The following BMPR1B variants were observed in gnomAD, a reference collection of about 807,000 sequenced individuals.
BMPR1B encodes the protein bone morphogenetic protein receptor type-1B.
BMPR1B carries 12 observed loss-of-function variants against 59.1 expected under a neutral mutation model. The observed-to-expected ratio is 0.20, with a 90% CI of 0.13 to 0.33. The LOEUF (loss-of-function observed/expected upper bound fraction) is 0.33, where lower values mean the gene tolerates loss of function less well. Ranked by LOEUF, BMPR1B falls within the 10% of genes least tolerant of loss-of-function variation. The probability of loss-of-function intolerance (pLI) is 1.00; values close to 1 mark genes in which losing one functional copy is unlikely to be tolerated. For synonymous variants in BMPR1B, 237 were observed against 207.3 expected (o/e 1.14, Z -1.23); for missense variants, 550 against 610.9 (o/e 0.90, Z 1.05).
At chr4:94,843,718 T>G (rs899397978) in intron 1 of BMPR1B, among the ~76,000 whole-genome samples, 4 of 150,566 alleles carry the variant, frequency 2.7e-5, no homozygotes, top group African/African-American at 9.8e-5. Context: ...TCAAAAGAGG[T>G]GTGGTAAATG....
At chr4:95,045,802 T>C (rs186609630) in intron 3 of BMPR1B, among the ~76,000 whole-genome samples, 52 of 152,332 alleles carry the variant, frequency 3.4e-4, no homozygotes, top group Admixed American at 3.9e-4. Context: ...AGGCAAGTGC[T>C]GTCTCTTTTT....
At chr4:94,837,098 G>A (rs1290161663) in intron 1 of BMPR1B, among the ~76,000 whole-genome samples, 1 of 144,786 alleles carries the variant, frequency 6.9e-6, no homozygotes, top group Non-Finnish European at 1.5e-5. Flanking sequence ...TGAGGGCTCT[G>A]TTCTGTTCCA....
intron 2 of BMPR1B, among the ~76,000 whole-genome samples, chr4:94,904,021 A>G (rs1727933535): frequency 6.6e-6 from 1 of 152,066 alleles, no homozygotes; most frequent in African/African-American, 2.4e-5. Context: ...CTTTTATTTT[A>G]TAAACCTACA....
At chr4:95,012,299 G>A in intron 3 of BMPR1B, among the ~76,000 whole-genome samples, 1 of 152,056 alleles carries the variant, frequency 6.6e-6, no homozygotes, top group Non-Finnish European at 1.5e-5. Flanking sequence ...TTCATACAAA[G>A]GTTTCAATAC....
chr4:94,908,644 GAGTA>G (rs1467619799), intron 2 of BMPR1B, among the ~76,000 whole-genome samples: 1 of 151,618 alleles, frequency 6.6e-6, no homozygotes, highest in African/African-American at 2.4e-5. Flanking sequence ...TTATTATAGA[GAGTA>G]ATTAATTTCA....
At chr4:95,153,699 CAAT>C (rs2149331834) in intron 12 of BMPR1B, among the ~76,000 whole-genome samples, 2 of 152,098 alleles carry the variant, frequency 1.3e-5, no homozygotes, top group East Asian at 3.9e-4. Flanking sequence ...AAAATACAAA[CAAT>C]AGCCTAGTGT....
chr4:95,127,577 G>A (rs1732997168), intron 8 of BMPR1B, among the ~76,000 whole-genome samples: 1 of 151,958 alleles, frequency 6.6e-6, no homozygotes, highest in Non-Finnish European at 1.5e-5. Flanking sequence ...AATAAATGTG[G>A]GAAGTTTCCT....
At chr4:94,765,836 GC>G (rs1459562218) in intron 1 of BMPR1B, among the ~76,000 whole-genome samples, 1 of 152,176 alleles carries the variant, frequency 6.6e-6, no homozygotes, top group Non-Finnish European at 1.5e-5. Context: ...TAGGTGTGCA[GC>G]CCAAGAGGGA....
chr4:94,828,723 G>A (rs1009702885), intron 1 of BMPR1B, among the ~76,000 whole-genome samples: 2 of 152,036 alleles, frequency 1.3e-5, no homozygotes, highest in African/African-American at 2.4e-5. Context: ...AGCACTATGA[G>A]CATCACCATC....
chr4:95,099,153 T>C (rs943477741), intron 3 of BMPR1B, among the ~76,000 whole-genome samples: 5 of 152,168 alleles, frequency 3.3e-5, no homozygotes, highest in Admixed American at 6.5e-5. Flanking sequence ...CATCAGTGGA[T>C]TTAGTGTTAA....
At chr4:94,987,138 T>C (rs1170318231) in intron 2 of BMPR1B, among the ~76,000 whole-genome samples, 1 of 145,384 alleles carries the variant, frequency 6.9e-6, no homozygotes, top group African/African-American at 2.5e-5. Flanking sequence ...GTATATGTAA[T>C]ATATATAATG....
intron 1 of BMPR1B, among the ~76,000 whole-genome samples, chr4:94,786,760 A>G (rs918951382): frequency 2.0e-5 from 3 of 151,830 alleles, no homozygotes; most frequent in Admixed American, 6.6e-5. Context: ...TAGCCAGGAT[A>G]GTCTTGATCT....
At chr4:95,030,926 G>A (rs571392954) in intron 3 of BMPR1B, among the ~76,000 whole-genome samples, 5 of 152,154 alleles carry the variant, frequency 3.3e-5, no homozygotes, top group African/African-American at 9.6e-5. Flanking sequence ...AATCAGTATC[G>A]TGAAAATGGC....
At chr4:95,136,561 G>T (rs200342167) in intron 10 of BMPR1B, among the ~76,000 whole-genome samples, 1 of 152,182 alleles carries the variant, frequency 6.6e-6, no homozygotes, top group East Asian at 1.9e-4. Context: ...TCGTTGGTAG[G>T]CTATTAATTA....
chr4:95,065,790 C>A (rs1196089611), intron 3 of BMPR1B, among the ~76,000 whole-genome samples: 3 of 152,032 alleles, frequency 2.0e-5, no homozygotes, highest in Non-Finnish European at 4.4e-5. Flanking sequence ...AGAAAATATG[C>A]AACTAGGAGT....
chr4:95,073,100 A>G (rs535265573), intron 3 of BMPR1B, among the ~76,000 whole-genome samples: 2 of 152,288 alleles, frequency 1.3e-5, no homozygotes, highest in South Asian at 2.1e-4. Context: ...GTTCTAAGAG[A>G]TAAGGGGGGG....
intron 3 of BMPR1B, among the ~76,000 whole-genome samples, chr4:95,062,999 T>C (rs1727513560): frequency 6.6e-6 from 1 of 152,180 alleles, no homozygotes; most frequent in South Asian, 2.1e-4. Context: ...AAAGATGTCA[T>C]ATTATCTATT....
intron 3 of BMPR1B, among the ~76,000 whole-genome samples, chr4:95,002,335 A>G (rs1465672851): frequency 3.9e-5 from 6 of 152,186 alleles, no homozygotes; most frequent in Non-Finnish European, 8.8e-5. Flanking sequence ...ATGGCAGTGT[A>G]GTACCATGGT....
intron 2 of BMPR1B, among the ~76,000 whole-genome samples, chr4:94,888,906 A>T (rs1490715019): frequency 6.6e-6 from 1 of 151,906 alleles, no homozygotes; most frequent in Non-Finnish European, 1.5e-5. Context: ...CTCTAAGGAA[A>T]CCATTGTTTC....
Sources: gnomAD v4.1 joint callset for allele counts (sites outside exome capture counted in the v4.1 genomes callset) on GRCh38, gnomAD v4.1.1 for gene constraint, MANE v1.5 for transcripts, NCBI Gene and HGNC (gene_info 2026-07-23, HGNC 2026-07-21) for gene names.